FOXJ3: variants seen among roughly 807,000 people sequenced by gnomAD.
The protein encoded by FOXJ3 is forkhead box J3, also known as forkhead box protein J3.
Under a neutral mutation model 76.1 loss-of-function variants are expected in FOXJ3, and 22 were observed. That is an observed-to-expected ratio of 0.29 (90% CI 0.21 to 0.41). The LOEUF (loss-of-function observed/expected upper bound fraction) is 0.41, where lower values mean the gene tolerates loss of function less well. Among genes scored for constraint, FOXJ3 ranks in the 10% least tolerant of loss-of-function variants. The pLI, the probability that FOXJ3 is intolerant of heterozygous loss-of-function variation, is 1.00. For synonymous variants in FOXJ3, 269 were observed against 261.2 expected, an observed-to-expected ratio of 1.03 and a Z score of -0.29; for missense variants, 613 against 762.1, an observed-to-expected ratio of 0.80 and a Z score of 2.30.
In FOXJ3 at chr1:42,291,550, C is replaced by T. The variant is rs554698606; in HGVS notation, c.45-12878G>A. Among the ~76,000 whole-genome samples, 23 of 152,268 alleles carry T rather than the reference C, an allele frequency of 1.5e-4. No homozygotes were observed. In the South Asian group the frequency reaches 4.8e-3, roughly 32 times the overall value. On this transcript the variant is annotated intron_variant, in intron 2 of 12. Transcript: ENST00000361346. Reference sequence around the variant, plus strand: ...AATTACAGGGCTCACATCTGTAATCCCAGCATTTGGGAGGCCAAGGCAGGA... The same window carrying T: ...AATTACAGGGCTCACATCTGTAATCTCAGCATTTGGGAGGCCAAGGCAGGA...
intron 2 of FOXJ3, among the ~76,000 whole-genome samples, chr1:42,301,661 TC>T (rs937127083): frequency 3.3e-5 from 5 of 152,234 alleles, no homozygotes; most frequent in African/African-American, 1.2e-4. Flanking sequence ...ATTTTTCATT[TC>T]CAAAAGATGT....
chr1:42,188,651 G>T, intron 11 of FOXJ3, 86 bp downstream of exon 11: 1 of 799,976 alleles, frequency 1.3e-6, no homozygotes, highest in Non-Finnish European at 1.9e-6. Context: ...GTCACCATTA[G>T]CAGCAAACCA....
At position 42,222,054 on chromosome 1, in the gene FOXJ3, GAAGAAGA is replaced by G. The variant is rs1557649627; in HGVS notation, c.528+5822_528+5828del. Among the ~76,000 whole-genome samples, 84 of 103,306 alleles carry G rather than the reference GAAGAAGA, an allele frequency of 8.1e-4. 4 individuals carry two copies. The highest frequency in any genetic ancestry group is 2.2e-3 in the Admixed American group (24 of 10,668). The allele number at this position is 103,306 out of a possible 152,430, so 67.8% of individuals were successfully genotyped here. ...GGGAGGAGAAGGAGAAGGAGAAGAA[GAAGAAGA>G]AGAAGAAGAAGAAGAAGAAGAAGAA... On this transcript the variant is annotated intron_variant, in intron 5 of 12. Transcript: ENST00000361346.
intron 4 of FOXJ3, among the ~76,000 whole-genome samples, chr1:42,229,403 T>C (rs922086089): frequency 3.9e-5 from 6 of 152,100 alleles, no homozygotes; most frequent in African/African-American, 1.2e-4. Context: ...TTAACATCTG[T>C]CGAAATGAGA....
chr1:42,305,066 T>C (rs1654374597), intron 2 of FOXJ3, among the ~76,000 whole-genome samples: 1 of 152,162 alleles, frequency 6.6e-6, no homozygotes, highest in Admixed American at 6.5e-5. Flanking sequence ...AATAAGCTGA[T>C]TTTTAAAATG....
intron 4 of FOXJ3, among the ~76,000 whole-genome samples, chr1:42,258,651 A>G (rs1479995069): frequency 6.6e-6 from 1 of 152,242 alleles, no homozygotes; most frequent in African/African-American, 2.4e-5. Flanking sequence ...GAGTGTTAAG[A>G]AATTTACTCT....
intron 9 of FOXJ3, 120 bp downstream of exon 9, chr1:42,191,183 T>G: frequency 1.1e-6 from 1 of 916,242 alleles, no homozygotes; most frequent in Non-Finnish European, 1.6e-6. Context: ...AACTATAGGA[T>G]TATAGCAAGG....
intron 5 of FOXJ3, among the ~76,000 whole-genome samples, chr1:42,207,179 C>T (rs768032298): frequency 1.1e-4 from 17 of 152,296 alleles, no homozygotes; most frequent in Admixed American, 3.9e-4. Context: ...AACCTGTCTT[C>T]ATATCCCTTC....
intron 2 of FOXJ3, among the ~76,000 whole-genome samples, chr1:42,310,622 G>A (rs1570228305): frequency 6.6e-6 from 1 of 151,030 alleles, no homozygotes; most frequent in Admixed American, 6.6e-5. Flanking sequence ...TAATTATTTT[G>A]TATTTTTAAT....
intron 4 of FOXJ3, among the ~76,000 whole-genome samples, chr1:42,246,392 G>C (rs565384488): frequency 1.3e-5 from 2 of 152,054 alleles, no homozygotes; most frequent in East Asian, 3.9e-4. Flanking sequence ...ATTTCTCATA[G>C]GAAGGCATAC....
At chr1:42,321,741 G>C (rs1655440044) in intron 1 of FOXJ3, among the ~76,000 whole-genome samples, 1 of 152,092 alleles carries the variant, frequency 6.6e-6, no homozygotes, top group Non-Finnish European at 1.5e-5. Context: ...ATAACAGTGG[G>C]AGCCAGTGGA....
At chr1:42,314,408 G>A (rs1463065189) in intron 1 of FOXJ3, among the ~76,000 whole-genome samples, 5 of 152,152 alleles carry the variant, frequency 3.3e-5, no homozygotes, top group East Asian at 1.9e-4. Context: ...GCACCACCAT[G>A]TCTGGCTACT....
intron 2 of FOXJ3, among the ~76,000 whole-genome samples, chr1:42,298,548 C>CT (rs149001250): frequency 1.1e-4 from 17 of 150,528 alleles, no homozygotes; most frequent in East Asian, 5.8e-4. Flanking sequence ...ATATTTAAAA[C>CT]TTTTTTTTTT....
At chr1:42,221,783 G>C (rs1440970285) in intron 5 of FOXJ3, among the ~76,000 whole-genome samples, 1 of 150,224 alleles carries the variant, frequency 6.7e-6, no homozygotes, top group Non-Finnish European at 1.5e-5. Context: ...TAGTTTAATT[G>C]CTTGCAAGCC....
chr1:42,223,575 C>T (rs1442746373), intron 5 of FOXJ3, among the ~76,000 whole-genome samples: 2 of 152,186 alleles, frequency 1.3e-5, no homozygotes, highest in African/African-American at 2.4e-5. Flanking sequence ...GCTCCACTTT[C>T]GCACCAAAAT....
chr1:42,228,011 A>C (rs1447614000), intron 4 of FOXJ3, 45 bp from the exon 5 acceptor site: 2 of 991,506 alleles, frequency 2.0e-6, no homozygotes, highest in Non-Finnish European at 2.9e-6. Context: ...CAGCAAACCT[A>C]TGATATTAAA....
chr1:42,311,007 A>C, intron 2 of FOXJ3, 43 bp downstream of exon 2: 1 of 1,249,168 alleles, frequency 8.0e-7, no homozygotes, highest in Non-Finnish European at 1.1e-6. Flanking sequence ...TAACTTTTAA[A>C]ATGTTATATG....
intron 3 of FOXJ3, among the ~76,000 whole-genome samples, chr1:42,266,984 G>A (rs1292220884): frequency 6.6e-6 from 1 of 152,022 alleles, no homozygotes; most frequent in Non-Finnish European, 1.5e-5. Context: ...CTTGAACTCT[G>A]GGAGAGGTAT....
chr1:42,181,932 C>G lies in FOXJ3; in HGVS notation c.1738G>C (p.Gly580Arg), dbSNP rs764809433. The stretch of plus-strand genomic sequence containing the variant: ...TCTCTCTTACCTGCCATCGTTGTTC[C>G]TGGAGTGCTGAGTGCCTGTGGGATA... ...PHIPQALSTP[G>R]TTMAGHHRAM... The change falls in exon 12 of 13, where the codon GGA becomes CGA. Residue 580 changes from glycine (G) to arginine (R), a missense_variant. This residue lies in a region of FOXJ3 where 526 missense variants were observed against 601.4 expected (regional missense o/e 0.87). Coordinates refer to ENST00000361346, the MANE Select transcript of FOXJ3 (RefSeq NM_014947.5). 1 of 1,608,746 alleles carries G rather than the reference C, an allele frequency of 6.2e-7. No homozygotes were observed. Among genetic ancestry groups the G allele is most frequent in the East Asian group, 2.2e-5 (1 of 44,824 alleles).
Sources: allele counts gnomAD v4.1 joint callset (sites outside exome capture counted in the v4.1 genomes callset), GRCh38; gene constraint gnomAD v4.1.1; regional missense constraint gnomAD v4.1.1; transcripts MANE v1.5; gene names NCBI Gene and HGNC (gene_info 2026-07-23, HGNC 2026-07-21).